Variants in EXOC3L2 observed in about 807,000 individuals in gnomAD.
EXOC3L2 encodes the protein exocyst complex component 3 like 2.
EXOC3L2 carries 17 observed loss-of-function variants against 44.4 expected under a neutral mutation model. The observed-to-expected ratio is 0.38, with a 90% CI of 0.26 to 0.57. The LOEUF is 0.57. Among genes scored for constraint, EXOC3L2 ranks in the 20% least tolerant of loss-of-function variants. The probability of loss-of-function intolerance (pLI) is 0.65; values close to 1 mark genes in which losing one functional copy is unlikely to be tolerated. For missense variants in EXOC3L2, 541 were observed against 588.4 expected (o/e 0.92, Z 0.83); for synonymous variants, 256 against 253.7 (o/e 1.01, Z -0.09).
chr19:45,214,983 C>T (rs1409063129), intron 11 of EXOC3L2, among the ~76,000 whole-genome samples: 3 of 151,680 alleles, frequency 2.0e-5, no homozygotes, highest in Admixed American at 1.3e-4. Context: ...TGGTGAAATC[C>T]CATCTCTACT....
At position 45,227,919 on chromosome 19, in the gene EXOC3L2, A is replaced by G; in HGVS notation, c.1472+55T>C. Reference sequence around the variant, plus strand: ...ATCTCTCCTCTCTCTATTGGATCCCAGGCCCTGATGCCCAACCCCCAGCAG... The same window carrying G: ...ATCTCTCCTCTCTCTATTGGATCCCGGGCCCTGATGCCCAACCCCCAGCAG... On this transcript the variant is annotated intron_variant, in intron 6 of 11. Coordinates refer to ENST00000413988, the MANE Select transcript of EXOC3L2 (RefSeq NM_001382422.1). 3 of 1,572,766 alleles carry G rather than the reference A, an allele frequency of 1.9e-6. No individual in the cohort carries two copies. In the South Asian group the frequency reaches 3.4e-5, roughly 18 times the overall value.
At chr19:45,242,374 C>T (rs1599769843) in intron 1 of EXOC3L2, among the ~76,000 whole-genome samples, 1 of 152,092 alleles carries the variant, frequency 6.6e-6, no homozygotes, top group African/African-American at 2.4e-5. Context: ...AAGCGATCCT[C>T]CCACCTCAGC....
chr19:45,225,206 G>GT (rs1180275397), intron 7 of EXOC3L2, among the ~76,000 whole-genome samples: 1 of 151,880 alleles, frequency 6.6e-6, no homozygotes, highest in Non-Finnish European at 1.5e-5. Flanking sequence ...GTGTCTTCGG[G>GT]TCTCAGTTTC....
rs560113406 is a variant in EXOC3L2 at position 45,236,963 on chromosome 19, C to T, written c.523+1560G>A. Among the ~76,000 whole-genome samples, 8 of 150,762 alleles carry T rather than the reference C, an allele frequency of 5.3e-5. No homozygotes were observed. The East Asian group carries it at 1.2e-3, about 22-fold the overall frequency. On this transcript the variant is annotated intron_variant, in intron 2 of 11. Coordinates refer to ENST00000413988, the MANE Select transcript of EXOC3L2 (RefSeq NM_001382422.1). ...GAGGTTGCAGTGAGCTGAGATTGTACCATTGCACTCTAGCCTGGGCAACAG... is the reference window on the plus strand; with the variant it reads ...GAGGTTGCAGTGAGCTGAGATTGTATCATTGCACTCTAGCCTGGGCAACAG...
chr19:45,214,857 T>C lies in EXOC3L2; in HGVS notation c.2120+1216A>G, dbSNP rs543951037. ...GGCGTGATATTTCAATAGCTTTAAT[T>C]ATACCCCTTACTTATAGGCCAAGCG... On this transcript the variant is annotated intron_variant, in intron 11 of 11. Coordinates refer to ENST00000413988, the MANE Select transcript of EXOC3L2 (RefSeq NM_001382422.1). Among the ~76,000 whole-genome samples, 5 of 152,156 alleles carry C rather than the reference T, an allele frequency of 3.3e-5. No individual in the cohort carries two copies. The South Asian group carries it at 1.0e-3, about 32-fold the overall frequency.
chr19:45,233,195 G>A (rs1045868101), intron 3 of EXOC3L2, among the ~76,000 whole-genome samples: 9 of 152,014 alleles, frequency 5.9e-5, no homozygotes, highest in Admixed American at 6.6e-5. Flanking sequence ...CAGCTTGGGC[G>A]ACAGAGCAAG....
intron 2 of EXOC3L2, among the ~76,000 whole-genome samples, chr19:45,235,843 G>A (rs1599768023): frequency 6.6e-6 from 1 of 152,270 alleles, no homozygotes. Flanking sequence ...GGCATCAGAG[G>A]ACAGAAAAGG....
At chr19:45,226,747 C>CTCTTTTTTTTTTTT (rs1467930270) in intron 7 of EXOC3L2, among the ~76,000 whole-genome samples, 2 of 90,670 alleles carry the variant, frequency 2.2e-5, no homozygotes, top group African/African-American at 1.2e-4. Flanking sequence ...ACTCCCATCT[C>CTCTTTTTTTTTTTT]TTTTTTTTTT....
chr19:45,221,131 C>A (rs1038669240), intron 8 of EXOC3L2, among the ~76,000 whole-genome samples: 8 of 151,934 alleles, frequency 5.3e-5, no homozygotes, highest in Non-Finnish European at 8.8e-5. Flanking sequence ...GGGAGGGCGT[C>A]TAATTCCCTC....
intron 11 of EXOC3L2, among the ~76,000 whole-genome samples, chr19:45,214,155 G>T (rs1030170404): frequency 2.0e-5 from 3 of 151,952 alleles, no homozygotes; most frequent in African/African-American, 7.3e-5. Context: ...GACTTCTTGG[G>T]ACCCCATGGG....
intron 4 of EXOC3L2, among the ~76,000 whole-genome samples, chr19:45,229,696 T>G (rs1166697932): frequency 6.7e-6 from 1 of 149,372 alleles, no homozygotes; most frequent in Non-Finnish European, 1.5e-5. Context: ...AAATACAAAA[T>G]TAGCCGGGCA....
At chr19:45,243,415 G>C (rs936500559) in intron 1 of EXOC3L2, among the ~76,000 whole-genome samples, 3 of 152,092 alleles carry the variant, frequency 2.0e-5, no homozygotes, top group African/African-American at 7.2e-5. Context: ...CCATGATGGG[G>C]AGGCCCCTTC....
intron 8 of EXOC3L2, among the ~76,000 whole-genome samples, chr19:45,219,469 C>G (rs1437111571): frequency 1.3e-5 from 2 of 151,346 alleles, no homozygotes; most frequent in Non-Finnish European, 2.9e-5. Flanking sequence ...CTATGCACAG[C>G]CCTTAAGGGA....
Position 45,245,347 on chromosome 19 carries a change from C to T in EXOC3L2, c.-23G>A, listed in dbSNP as rs1034382275. 1.3e-5 allele frequency: 2 copies of T among 152,756 alleles called. No homozygotes were observed. Among genetic ancestry groups the T allele is most frequent in the African/African-American group, 4.8e-5 (2 of 41,438 alleles). 9.5% of individuals were successfully genotyped at this position (152,756 alleles called of 1,614,324 possible). On this transcript the variant is annotated 5_prime_UTR_variant, in exon 1 of 12. Transcript: ENST00000413988. ...CTGTCCCCAGCACACTCACCTCTGT[C>T]CTCCTGCCCGTCCTTCTGTTCCCGC...
At chr19:45,224,170 T>A (rs1300127473) in intron 8 of EXOC3L2, among the ~76,000 whole-genome samples, 2 of 26,496 alleles carry the variant, frequency 7.5e-5, no homozygotes, top group Non-Finnish European at 1.5e-4. Flanking sequence ...GAGCCAGGAG[T>A]GGGGGGAGGG....
intron 10 of EXOC3L2, 147 bp downstream of exon 10, chr19:45,217,381 G>A: frequency 9.8e-7 from 1 of 1,020,908 alleles, no homozygotes; most frequent in African/African-American, 1.7e-5. Context: ...GTCGGTCAAA[G>A]TTACTGGTTG....
intron 8 of EXOC3L2, among the ~76,000 whole-genome samples, chr19:45,222,082 C>T (rs557497953): frequency 2.0e-5 from 3 of 152,100 alleles, no homozygotes; most frequent in South Asian, 4.2e-4. Flanking sequence ...ATGCACACGG[C>T]GCACACACAC....
chr19:45,216,184 G>A lies in EXOC3L2; in HGVS notation c.2009C>T (p.Ala670Val). Residue 670 changes from alanine (A) to valine (V), a missense_variant, in exon 11 of 12, where the codon GCC becomes GTC. Physicochemically the swap from Ala to Val is moderately conservative, Grantham distance 64. Coordinates refer to ENST00000413988, the MANE Select transcript of EXOC3L2 (RefSeq NM_001382422.1). ...GGGCACCACGGCATCCAGCCACGAG[G>A]CCTGGGACTCCTGCAGGGGAGGGAG... Reference protein sequence around the residue: ...QRLFRRLESQASWLDAVVPHL... With the variant: ...QRLFRRLESQVSWLDAVVPHL... 1 of 1,613,804 alleles carries A rather than the reference G, an allele frequency of 6.2e-7. No individual in the cohort carries two copies. Among genetic ancestry groups the A allele is most frequent in the African/African-American group, 1.3e-5 (1 of 75,038 alleles).
Position 45,212,626 on chromosome 19 carries a change from AG to A in EXOC3L2, c.*442del, listed in dbSNP as rs1416754878. ...TTTTTTTTTTTTTTTTTTTTGAGAA[AG>A]GGTCTTGCTTTGTTGACCAGGCTGG... is the stretch of plus-strand genomic sequence containing the variant. On this transcript the variant is annotated 3_prime_UTR_variant, in exon 12 of 12. Transcript: ENST00000413988. 2.9e-5 allele frequency: 4 copies of A among 138,608 alleles called. No homozygotes were observed. The highest frequency in any genetic ancestry group is 2.3e-4 in the South Asian group (1 of 4,294). The allele number at this position is 138,608 out of a possible 1,614,324, so 8.6% of individuals were successfully genotyped here.
Sources: allele counts gnomAD v4.1 joint callset (sites outside exome capture counted in the v4.1 genomes callset), GRCh38; gene constraint gnomAD v4.1.1; transcripts MANE v1.5; gene names NCBI Gene and HGNC (gene_info 2026-07-23, HGNC 2026-07-21).